Variants in WDR26 observed in about 807,000 individuals in gnomAD.
WDR26 encodes the protein WD repeat-containing protein 26.
A neutral mutation model predicts 84.1 loss-of-function variants in WDR26; 5 were observed. That is an observed-to-expected ratio of 0.06 (90% CI 0.03 to 0.13). The LOEUF (loss-of-function observed/expected upper bound fraction) is 0.13. Ranked by LOEUF, WDR26 falls within the 10% of genes least tolerant of loss-of-function variation. The pLI, the probability that WDR26 is intolerant of heterozygous loss-of-function variation, is 1.00. For missense variants in WDR26, 642 were observed against 974.9 expected (o/e 0.66, Z 4.55); for synonymous variants, 415 against 389.6 (o/e 1.07, Z -0.77).
chr1:224,394,150 T>C, intron 12 of WDR26, 137 bp from the exon 13 acceptor site: 1 of 602,688 alleles, frequency 1.7e-6, no homozygotes. Context: ...TAGTTTAACA[T>C]GTTACCTTAT....
At position 224,389,258 on chromosome 1, in the gene WDR26, T is replaced by C. The variant is rs764234482; in HGVS notation, c.*577A>G. 6.1e-6 allele frequency: 1 copy of C among 162,602 alleles called. No individual in the cohort carries two copies. The highest frequency in any genetic ancestry group is 1.3e-5 in the Non-Finnish European group (1 of 75,192). The allele number at this position is 162,602 out of a possible 1,614,324, so 10.1% of individuals were successfully genotyped here. A position where few individuals can be genotyped will look rare whatever the true frequency, so the allele number is the denominator to read the frequency against. ...TGTAATATTGAGAGTGCTTTTGACA[T>C]AGTTCACTGGTTTATCATCTGGATC... is the stretch of plus-strand genomic sequence containing the variant. On this transcript the variant is annotated 3_prime_UTR_variant, in exon 14 of 14. Coordinates refer to ENST00000414423, the MANE Select transcript of WDR26 (RefSeq NM_001379403.1).
At chr1:224,397,672 G>A (rs1047880610) in intron 12 of WDR26, 9 of 156,064 alleles carry the variant, frequency 5.8e-5, no homozygotes, top group African/African-American at 1.9e-4. Flanking sequence ...ATCTGTCCAA[G>A]TTCAGGTAGA....
chr1:224,432,460 A>G (rs1452079260), intron 1 of WDR26, among the ~76,000 whole-genome samples: 1 of 152,148 alleles, frequency 6.6e-6, no homozygotes, highest in Non-Finnish European at 1.5e-5. Flanking sequence ...CCTACCACAT[A>G]TTTGTCTTTG....
chr1:224,405,951 T>C lies in WDR26; in HGVS notation c.1459-1381A>G, dbSNP rs144819307. 2.6e-5 allele frequency among the ~76,000 whole-genome samples: 4 copies of C among 152,296 alleles called. No homozygotes were observed. In the East Asian group the frequency reaches 7.7e-4, roughly 29 times the overall value. Reference sequence around the variant, plus strand: ...GAAGATGAATCAGAAAGACACAGGATAAGGCAACCATAAAGGGACAATGGA... The same window carrying C: ...GAAGATGAATCAGAAAGACACAGGACAAGGCAACCATAAAGGGACAATGGA... On this transcript the variant is annotated intron_variant, in intron 7 of 13. Coordinates refer to ENST00000414423, the MANE Select transcript of WDR26 (RefSeq NM_001379403.1).
chr1:224,417,928 A>C (rs998640330), intron 6 of WDR26, among the ~76,000 whole-genome samples: 1 of 152,230 alleles, frequency 6.6e-6, no homozygotes, highest in African/African-American at 2.4e-5. Flanking sequence ...ACTAAAAAGC[A>C]GAACTTTCAT....
At chr1:224,389,887 GGGGGGCGGGC>G in intron 13 of WDR26, 27 bp from the exon 14 acceptor site, 21 of 1,454,446 alleles carry the variant, frequency 1.4e-5, no homozygotes, top group Non-Finnish European at 1.8e-5. Context: ...TGAAATGTAT[GGGGGGCGGGC>G]GGGGGAGGGA....
intron 6 of WDR26, among the ~76,000 whole-genome samples, chr1:224,415,791 A>C (rs1257549260): frequency 6.6e-6 from 1 of 152,226 alleles, no homozygotes; most frequent in Non-Finnish European, 1.5e-5. Flanking sequence ...GGACAGGTAA[A>C]GAAGAAGAGC....
At position 224,385,465 on chromosome 1, in the gene WDR26, A is replaced by C. The variant is rs1256481328; in HGVS notation, c.*4370T>G. ...AATATAATCTGAGAGGCAGTTAAAA[A>C]AACAAAAATCAAAACCCACCAAAAT... is the stretch of plus-strand genomic sequence containing the variant. On this transcript the variant is annotated 3_prime_UTR_variant, in exon 14 of 14. Transcript: ENST00000414423. The C allele has an allele frequency of 6.6e-6, 1 of 152,670 alleles. No homozygotes were observed. Among genetic ancestry groups the C allele is most frequent in the Non-Finnish European group, 1.5e-5 (1 of 68,038 alleles). The allele number at this position is 152,670 out of a possible 1,614,324, so 9.5% of individuals were successfully genotyped here.
chr1:224,406,703 A>T (rs147713299), intron 7 of WDR26, among the ~76,000 whole-genome samples: 203 of 152,304 alleles, frequency 1.3e-3, no homozygotes, highest in Non-Finnish European at 2.2e-3. Flanking sequence ...TGGTTTAAAT[A>T]ATTTACTAAG....
Position 224,424,505 on chromosome 1 carries a change from T to A in WDR26, c.1064+13A>T. 4 of 1,613,352 alleles carry A rather than the reference T, an allele frequency of 2.5e-6. No homozygotes were observed. Among genetic ancestry groups the A allele is most frequent in the Non-Finnish European group, 3.4e-6 (4 of 1,179,668 alleles). On this transcript the variant is annotated intron_variant, in intron 4 of 13. Transcript: ENST00000414423. ...CCTCCATTAACCTGAGTTCAAGAAC[T>A]CAGTTTCCTTACCCACTAAGAACAT...
At chr1:224,433,533 C>T (rs1674470862) in intron 1 of WDR26, 151 bp downstream of exon 1, 2 of 1,037,762 alleles carry the variant, frequency 1.9e-6, no homozygotes, top group Non-Finnish European at 2.6e-6. Flanking sequence ...TGAGCCGCGT[C>T]CTCCTGTGTA....
At chr1:224,424,018 C>G (rs1021424624) in intron 4 of WDR26, among the ~76,000 whole-genome samples, 1 of 151,316 alleles carries the variant, frequency 6.6e-6, no homozygotes, top group Non-Finnish European at 1.5e-5. Context: ...TGAGATCACA[C>G]TGGACAACAC....
At chr1:224,408,382 G>C (rs910273675) in intron 7 of WDR26, among the ~76,000 whole-genome samples, 8 of 152,178 alleles carry the variant, frequency 5.3e-5, no homozygotes, top group African/African-American at 9.7e-5. Flanking sequence ...TGCTTAGTCT[G>C]TCTACAGCAA....
chr1:224,421,631 T>C (rs568732647), intron 4 of WDR26, among the ~76,000 whole-genome samples: 1 of 152,240 alleles, frequency 6.6e-6, no homozygotes, highest in South Asian at 2.1e-4. Context: ...TCAGCTACCA[T>C]ATCAAAACAT....
intron 3 of WDR26, among the ~76,000 whole-genome samples, chr1:224,424,990 T>A (rs1674168854): frequency 6.6e-6 from 1 of 152,244 alleles, no homozygotes; most frequent in Admixed American, 6.5e-5. Flanking sequence ...AATTTAGAAC[T>A]ATTCCAAGTA....
chr1:224,431,340 A>AGCT (rs1172549917), intron 3 of WDR26, 137 bp downstream of exon 3: 1 of 686,430 alleles, frequency 1.5e-6, no homozygotes, highest in African/African-American at 1.8e-5. Flanking sequence ...AAAACATTAT[A>AGCT]CTCATCCTAG....
chr1:224,411,417 G>C lies in WDR26; in HGVS notation c.1458+10C>G, dbSNP rs754728210. ...TTTTGTAATATAAACACTCATATTG[G>C]GGTACATACCGGATCAACTTGCCAT... On this transcript the variant is annotated intron_variant, in intron 7 of 13. Transcript: ENST00000414423. The C allele has an allele frequency of 2.8e-5, 45 of 1,597,092 alleles. No individual in the cohort carries two copies. The highest frequency in any genetic ancestry group is 3.7e-5 in the Non-Finnish European group (44 of 1,173,968).
At position 224,433,731 on chromosome 1, in the gene WDR26, C is replaced by T. The variant is rs1013605855; in HGVS notation, c.675G>A (p.Glu225=). The change falls in exon 1 of 14, where the codon GAG becomes GAA. Residue 225 remains glutamate, a synonymous_variant. Coordinates refer to ENST00000414423, the MANE Select transcript of WDR26 (RefSeq NM_001379403.1). ...GCTGTCCTATTAGCCTAATGACATCCTCATCTGACTGGGAGAGCCGCTTCT... is the reference window on the plus strand; with the variant it reads ...GCTGTCCTATTAGCCTAATGACATCTTCATCTGACTGGGAGAGCCGCTTCT... 2.0e-6 allele frequency: 3 copies of T among 1,534,946 alleles called. No individual in the cohort carries two copies. The highest frequency in any genetic ancestry group is 2.7e-5 in the African/African-American group (2 of 72,914).
At chr1:224,414,001 A>G (rs1301401726) in intron 6 of WDR26, among the ~76,000 whole-genome samples, 1 of 150,944 alleles carries the variant, frequency 6.6e-6, no homozygotes, top group Non-Finnish European at 1.5e-5. Flanking sequence ...TAGTAGAGAC[A>G]GGGTTTCATC....
Sources: allele counts gnomAD v4.1 joint callset (sites outside exome capture counted in the v4.1 genomes callset), GRCh38; gene constraint gnomAD v4.1.1; transcripts MANE v1.5; gene names NCBI Gene and HGNC (gene_info 2026-07-23, HGNC 2026-07-21).